The following MOB3B variants were observed in gnomAD, a reference collection of about 807,000 sequenced individuals.
MOB3B encodes MOB kinase activator 3B, also known as MOB kinase activator-like 2B.
Under a neutral mutation model 18.7 loss-of-function variants are expected in MOB3B, and 7 were observed. That is an observed-to-expected ratio of 0.37 (90% CI 0.21 to 0.70). The LOEUF is 0.70. Ranked by LOEUF, MOB3B falls within the 30% of genes least tolerant of loss-of-function variation. The pLI, the probability that MOB3B is intolerant of heterozygous loss-of-function variation, is 0.52. For synonymous variants in MOB3B, 111 were observed against 99.9 expected, an observed-to-expected ratio of 1.11 and a Z score of -0.66; for missense variants, 253 against 281.3, an observed-to-expected ratio of 0.90 and a Z score of 0.72.
At chr9:27,426,112 A>G (rs1009469470) in intron 2 of MOB3B, among the ~76,000 whole-genome samples, 2 of 152,218 alleles carry the variant, frequency 1.3e-5, no homozygotes, top group Non-Finnish European at 2.9e-5. Context: ...TTAGGAGGTA[A>G]GTGCTACTGT....
intron 2 of MOB3B, among the ~76,000 whole-genome samples, chr9:27,389,997 G>A (rs576987189): frequency 4.6e-5 from 7 of 152,142 alleles, no homozygotes; most frequent in Non-Finnish European, 8.8e-5. Flanking sequence ...TGGAATGAAA[G>A]TAGAAGTACA....
intron 3 of MOB3B, among the ~76,000 whole-genome samples, chr9:27,341,228 C>G (rs774618530): frequency 1.1e-4 from 17 of 152,202 alleles, no homozygotes; most frequent in Non-Finnish European, 1.8e-4. Context: ...GGGGGCAACT[C>G]TTAATGACAT....
chr9:27,472,620 C>A (rs1298063105), intron 1 of MOB3B, among the ~76,000 whole-genome samples: 3 of 141,418 alleles, frequency 2.1e-5, no homozygotes, highest in African/African-American at 8.1e-5. Context: ...CAGCAAGAGA[C>A]CAAAACAGGT....
At chr9:27,469,245 G>A (rs1013641945) in intron 1 of MOB3B, among the ~76,000 whole-genome samples, 1 of 152,064 alleles carries the variant, frequency 6.6e-6, no homozygotes, top group Non-Finnish European at 1.5e-5. Flanking sequence ...TGGGATTACA[G>A]GGATGAGTCA....
chr9:27,357,767 C>T (rs1410819924), intron 3 of MOB3B, among the ~76,000 whole-genome samples: 3 of 151,372 alleles, frequency 2.0e-5, no homozygotes, highest in Non-Finnish European at 4.4e-5. Context: ...AATAATAAAA[C>T]CTGGCCAGGC....
chr9:27,374,069 G>A (rs1437770343), intron 2 of MOB3B, among the ~76,000 whole-genome samples: 3 of 152,164 alleles, frequency 2.0e-5, no homozygotes, highest in Admixed American at 6.5e-5. Flanking sequence ...CGTCACTTCC[G>A]TTTTCTGTAC....
chr9:27,336,235 A>G (rs1049966215), intron 3 of MOB3B, among the ~76,000 whole-genome samples: 3 of 152,212 alleles, frequency 2.0e-5, no homozygotes, highest in African/African-American at 7.2e-5. Context: ...CTCAAAAACA[A>G]AAACAAGCAA....
chr9:27,523,658 C>A (rs935619763), intron 1 of MOB3B, among the ~76,000 whole-genome samples: 1 of 152,092 alleles, frequency 6.6e-6, no homozygotes, highest in African/African-American at 2.4e-5. Context: ...TTTTCTAATG[C>A]AACAGAAAAC....
intron 1 of MOB3B, among the ~76,000 whole-genome samples, chr9:27,516,536 G>C (rs1820237326): frequency 6.6e-6 from 1 of 152,198 alleles, no homozygotes. Context: ...GCTTAACTGA[G>C]AATAGCTGGA....
chr9:27,462,146 A>G (rs990717759), intron 1 of MOB3B, among the ~76,000 whole-genome samples: 26 of 152,348 alleles, frequency 1.7e-4, no homozygotes, highest in African/African-American at 6.3e-4. Context: ...TTATTACAGG[A>G]TAAAAGCTCA....
chr9:27,412,509 T>C (rs4878449), intron 2 of MOB3B, among the ~76,000 whole-genome samples: 143,655 of 152,248 alleles, frequency 0.94, 68,164 homozygotes, highest in East Asian at 1. Context: ...TCTCTTTTTG[T>C]TTCTATAGTT....
At position 27,330,584 on chromosome 9, in the gene MOB3B, G is replaced by A. The variant is rs371091836; in HGVS notation, c.*3C>T. ...CCTTTCTTCCAAAGGGTGAGGTGGA[G>A]CATTAGTGACACATCCTGCTCGTCA... On this transcript the variant is annotated 3_prime_UTR_variant, in exon 4 of 4. Transcript: ENST00000262244. The A allele has an allele frequency of 2.5e-6, 4 of 1,613,918 alleles. No homozygotes were observed. Among genetic ancestry groups the A allele is most frequent in the African/African-American group, 2.7e-5 (2 of 74,928 alleles).
At chr9:27,503,888 T>C (rs1380634457) in intron 1 of MOB3B, among the ~76,000 whole-genome samples, 3 of 152,174 alleles carry the variant, frequency 2.0e-5, no homozygotes, top group Non-Finnish European at 4.4e-5. Context: ...CTTGCCCCCT[T>C]GCCTTAACTC....
intron 2 of MOB3B, among the ~76,000 whole-genome samples, chr9:27,419,542 CAT>C (rs1462484297): frequency 2.0e-5 from 3 of 152,082 alleles, no homozygotes; most frequent in Non-Finnish European, 2.9e-5. Flanking sequence ...CAAACAGAAA[CAT>C]AAAGTGGGGA....
At chr9:27,491,723 A>G (rs1563881959) in intron 1 of MOB3B, among the ~76,000 whole-genome samples, 1 of 152,122 alleles carries the variant, frequency 6.6e-6, no homozygotes, top group Non-Finnish European at 1.5e-5. Flanking sequence ...AATACAAAAA[A>G]TTAGCTGGGC....
At chr9:27,478,466 A>G in intron 1 of MOB3B, among the ~76,000 whole-genome samples, 1 of 152,190 alleles carries the variant, frequency 6.6e-6, no homozygotes, top group East Asian at 1.9e-4. Flanking sequence ...ACAAAGGGCA[A>G]CTTTGAAAAA....
At chr9:27,439,418 T>A (rs1271138645) in intron 2 of MOB3B, among the ~76,000 whole-genome samples, 1 of 152,154 alleles carries the variant, frequency 6.6e-6, no homozygotes, top group Non-Finnish European at 1.5e-5. Flanking sequence ...CACATACATA[T>A]ACACACTCAA....
chr9:27,471,710 T>C (rs1819473947), intron 1 of MOB3B, among the ~76,000 whole-genome samples: 1 of 152,242 alleles, frequency 6.6e-6, no homozygotes, highest in African/African-American at 2.4e-5. Flanking sequence ...AAGGTAAGTT[T>C]GTAATATGCA....
intron 3 of MOB3B, among the ~76,000 whole-genome samples, chr9:27,340,308 C>T (rs934540743): frequency 6.6e-6 from 1 of 152,110 alleles, no homozygotes; most frequent in Non-Finnish European, 1.5e-5. Flanking sequence ...TTATTCATAC[C>T]GATACAAAAA....
Sources: gnomAD v4.1 joint callset for allele counts (sites outside exome capture counted in the v4.1 genomes callset) on GRCh38, gnomAD v4.1.1 for gene constraint, MANE v1.5 for transcripts, NCBI Gene and HGNC (gene_info 2026-07-23, HGNC 2026-07-21) for gene names.